CACNB4: variants seen among roughly 807,000 people sequenced by gnomAD.
The protein encoded by CACNB4 is calcium voltage-gated channel auxiliary subunit beta 4.
Under a neutral mutation model 71.2 loss-of-function variants are expected in CACNB4, and 32 were observed. The ratio of observed to expected loss-of-function variants is 0.45; its 90% CI spans 0.34 to 0.60. The LOEUF (loss-of-function observed/expected upper bound fraction) is 0.60, where lower values mean the gene tolerates loss of function less well. Ranked by LOEUF, CACNB4 falls within the 20% of genes least tolerant of loss-of-function variation. The pLI, the probability that CACNB4 is intolerant of heterozygous loss-of-function variation, is 0.01. For missense variants in CACNB4, 464 were observed against 647.9 expected (o/e 0.72, Z 3.08); for synonymous variants, 231 against 236.9 (o/e 0.97, Z 0.23).
chr2:152,049,829 G>T (rs1483388724), intron 2 of CACNB4, among the ~76,000 whole-genome samples: 1 of 152,220 alleles, frequency 6.6e-6, no homozygotes, highest in Non-Finnish European at 1.5e-5. Flanking sequence ...ACCAATAAAA[G>T]AAACCATTTT....
intron 2 of CACNB4, among the ~76,000 whole-genome samples, chr2:152,062,204 T>C (rs913639192): frequency 1.3e-5 from 2 of 151,872 alleles, no homozygotes; most frequent in African/African-American, 4.8e-5. Context: ...AATAAACACA[T>C]GCTAATACAT....
chr2:151,967,214 AT>A (rs141910106), intron 2 of CACNB4: 4 of 151,486 alleles, frequency 2.6e-5, no homozygotes, highest in South Asian at 2.1e-4. Context: ...TGCCCCACTA[AT>A]TTTTTTTATT....
chr2:151,905,027 G>A (rs891620474), intron 2 of CACNB4, among the ~76,000 whole-genome samples: 1 of 152,152 alleles, frequency 6.6e-6, no homozygotes, highest in Non-Finnish European at 1.5e-5. Context: ...CTCATCGCCT[G>A]CAATCAAATA....
At chr2:151,945,900 CAT>C (rs1209494890) in intron 2 of CACNB4, among the ~76,000 whole-genome samples, 8 of 148,332 alleles carry the variant, frequency 5.4e-5, no homozygotes, top group East Asian at 2.0e-4. Context: ...AAAAGAATTA[CAT>C]GTGTGTGTGC....
chr2:151,953,520 G>T (rs2099867456), intron 2 of CACNB4, among the ~76,000 whole-genome samples: 1 of 152,178 alleles, frequency 6.6e-6, no homozygotes, highest in Non-Finnish European at 1.5e-5. Flanking sequence ...CCTAGAAAAT[G>T]TGTGACAAAA....
chr2:151,952,677 G>A (rs2151668701), intron 2 of CACNB4, among the ~76,000 whole-genome samples: 1 of 152,304 alleles, frequency 6.6e-6, no homozygotes, highest in African/African-American at 2.4e-5. Context: ...GCCCCAGAAG[G>A]AAACAGGAGC....
chr2:151,936,583 G>A (rs1209328951), intron 2 of CACNB4, among the ~76,000 whole-genome samples: 2 of 152,192 alleles, frequency 1.3e-5, no homozygotes, highest in Admixed American at 6.5e-5. Flanking sequence ...GTGTATGAAC[G>A]TGTTCTGTGC....
chr2:152,051,945 A>G (rs976139622), intron 2 of CACNB4, among the ~76,000 whole-genome samples: 1 of 152,226 alleles, frequency 6.6e-6, no homozygotes, highest in Non-Finnish European at 1.5e-5. Flanking sequence ...TACATATAAT[A>G]TGTAGTTTTT....
At chr2:151,877,058 GCTATATATACACATAGATAT>G (rs200212396) in intron 4 of CACNB4, among the ~76,000 whole-genome samples, 39,562 of 145,818 alleles carry the variant, frequency 0.27, 5,538 homozygotes, top group Middle Eastern at 0.41. Context: ...CACATAGATA[GCTATATATACACATAGATAT>G]CTATATATAC....
At chr2:151,859,025 G>A (rs2099840993) in intron 10 of CACNB4, 1 of 152,174 alleles carries the variant, frequency 6.6e-6, no homozygotes. Context: ...CTAGCACAAT[G>A]CATGGCACAT....
At chr2:152,001,875 T>TTTAC (rs1682443211) in intron 2 of CACNB4, among the ~76,000 whole-genome samples, 2 of 152,220 alleles carry the variant, frequency 1.3e-5, no homozygotes, top group Non-Finnish European at 2.9e-5. Context: ...CAGCAAGAGC[T>TTTAC]ATCCTCATCA....
intron 4 of CACNB4, among the ~76,000 whole-genome samples, chr2:151,878,435 G>A (rs903739950): frequency 2.6e-5 from 4 of 152,106 alleles, no homozygotes; most frequent in Non-Finnish European, 2.9e-5. Flanking sequence ...TGTAAATTGA[G>A]GGCTGGCCAT....
intron 2 of CACNB4, among the ~76,000 whole-genome samples, chr2:152,010,768 T>G (rs1254008973): frequency 6.6e-6 from 1 of 152,182 alleles, no homozygotes; most frequent in African/African-American, 2.4e-5. Flanking sequence ...CCAGGGTCAA[T>G]GATGGCCCGG....
chr2:152,087,528 A>G (rs1687729936), intron 2 of CACNB4, among the ~76,000 whole-genome samples: 1 of 151,972 alleles, frequency 6.6e-6, no homozygotes, highest in Non-Finnish European at 1.5e-5. Context: ...GATCCATCCT[A>G]TTCAATACTG....
rs552093496 is a variant in CACNB4, at chr2:151,883,341, C to G, written c.177G>C (p.Pro59=). Residue 59 remains proline (P), a synonymous_variant, in exon 3 of 14, where the codon CCG becomes CCC. Transcript: ENST00000539935. ...CTTCCAAAGAGACATCGGAGTCAGA[C>G]GGCCTGCTTGTGTAGGAATCCGCTG... The part of the protein sequence containing the change: ...QGSADSYTSR[P]SDSDVSLEED... The G allele has an allele frequency of 6.2e-7, 1 of 1,613,756 alleles. No homozygotes were observed. The highest frequency in any genetic ancestry group is 1.1e-5 in the South Asian group (1 of 91,074).
intron 2 of CACNB4, among the ~76,000 whole-genome samples, chr2:152,016,679 G>T (rs571744075): frequency 6.6e-6 from 1 of 152,186 alleles, no homozygotes; most frequent in Non-Finnish European, 1.5e-5. Context: ...ATCACTCACC[G>T]TTCCAGGCAT....
chr2:152,064,576 T>C (rs1198741008), intron 2 of CACNB4, among the ~76,000 whole-genome samples: 5 of 151,978 alleles, frequency 3.3e-5, no homozygotes, highest in African/African-American at 9.7e-5. Flanking sequence ...AGAGACAGGG[T>C]TTCACCATGT....
intron 2 of CACNB4, among the ~76,000 whole-genome samples, chr2:151,998,833 C>T (rs909625442): frequency 2.0e-5 from 3 of 152,202 alleles, no homozygotes; most frequent in Admixed American, 6.5e-5. Flanking sequence ...ATAGGGACAT[C>T]GGTGGGCAGC....
intron 2 of CACNB4, among the ~76,000 whole-genome samples, chr2:152,066,936 T>C (rs1050830492): frequency 2.7e-4 from 39 of 142,888 alleles, no homozygotes; most frequent in African/African-American, 8.6e-4. Flanking sequence ...TAGGTGGGAA[T>C]TGAACAATGA....
Sources: gnomAD v4.1 joint callset for allele counts (sites outside exome capture counted in the v4.1 genomes callset) on GRCh38, gnomAD v4.1.1 for gene constraint, MANE v1.5 for transcripts, NCBI Gene and HGNC (gene_info 2026-07-23, HGNC 2026-07-21) for gene names.